The following ALG9 variants were observed in gnomAD, a reference collection of about 807,000 sequenced individuals.
ALG9 encodes alpha-1,2-mannosyltransferase ALG9.
Under a neutral mutation model 81.8 loss-of-function variants are expected in ALG9, and 55 were observed. The observed-to-expected ratio is 0.67, with a 90% CI of 0.54 to 0.84. The LOEUF (loss-of-function observed/expected upper bound fraction) is 0.84, where lower values mean the gene tolerates loss of function less well. Among genes scored for constraint, ALG9 ranks in the 40% least tolerant of loss-of-function variants. The pLI, the probability that ALG9 is intolerant of heterozygous loss-of-function variation, is 0.00. For synonymous variants in ALG9, 278 were observed against 274.3 expected, an observed-to-expected ratio of 1.01 and a Z score of -0.13; for missense variants, 629 against 745.0, an observed-to-expected ratio of 0.84 and a Z score of 1.81.
At chr11:111,797,207 C>A (rs749091275) in intron 14 of ALG9, among the ~76,000 whole-genome samples, 1 of 152,308 alleles carries the variant, frequency 6.6e-6, no homozygotes, top group South Asian at 2.1e-4. Context: ...TGGCTTGCTG[C>A]CAACAAACAG....
intron 1 of ALG9, 103 bp downstream of exon 1, chr11:111,871,249 G>T (rs527476474): frequency 1.5e-6 from 2 of 1,326,888 alleles, no homozygotes; most frequent in East Asian, 3.2e-5. Flanking sequence ...CCGCGGTGAG[G>T]CCAGGCCGGA....
chr11:111,768,771 C>G, the ALG9 span: 1 of 149,570 alleles, frequency 6.7e-6, no homozygotes, highest in African/African-American at 2.5e-5. Flanking sequence ...AAGCAATCCT[C>G]CAGCCTCAGC....
intron 13 of ALG9, among the ~76,000 whole-genome samples, chr11:111,824,112 C>T (rs1323873243): frequency 1.3e-5 from 2 of 152,190 alleles, no homozygotes; most frequent in Non-Finnish European, 2.9e-5. Context: ...TGGGAGATCG[C>T]TTGATTTCTT....
At chr11:111,836,052 A>G (rs1955196543) in intron 13 of ALG9, 113 bp downstream of exon 13, 19 of 1,485,018 alleles carry the variant, frequency 1.3e-5, no homozygotes, top group Non-Finnish European at 1.7e-5. Context: ...CCCGGCCTTA[A>G]AAAAATTGCT....
chr11:111,815,667 G>GT (rs139189103), intron 13 of ALG9, among the ~76,000 whole-genome samples: 1,860 of 152,296 alleles, frequency 0.012, 40 homozygotes, highest in African/African-American at 0.042. Context: ...CAGACTGGCT[G>GT]AGTGACTCAC....
intron 13 of ALG9, among the ~76,000 whole-genome samples, chr11:111,810,741 G>A (rs1950581583): frequency 6.6e-6 from 1 of 152,206 alleles, no homozygotes; most frequent in African/African-American, 2.4e-5. Flanking sequence ...GGGCAAAAGA[G>A]AGACCTGCTT....
At chr11:111,770,577 T>C in the ALG9 span, among the ~76,000 whole-genome samples, 2 of 151,804 alleles carry the variant, frequency 1.3e-5, no homozygotes, top group African/African-American at 2.4e-5. Flanking sequence ...GGCACACCTG[T>C]AGGCCCAGCT....
chr11:111,856,075 G>A lies in ALG9; in HGVS notation c.701+1527C>T, dbSNP rs190243358. ...AGGTGGATCACGAGGTCAGGAGTTCGAGACCAGCCTGGCCAATATGGTAAA... is the reference window on the plus strand; with the variant it reads ...AGGTGGATCACGAGGTCAGGAGTTCAAGACCAGCCTGGCCAATATGGTAAA... On this transcript the variant is annotated intron_variant, in intron 6 of 14. Coordinates refer to ENST00000616540, the MANE Select transcript of ALG9 (RefSeq NM_024740.2). Among the ~76,000 whole-genome samples, 825 of 152,074 alleles carry A rather than the reference G, an allele frequency of 5.4e-3. 3 individuals carry two copies. Among genetic ancestry groups the A allele is most frequent in the African/African-American group, 0.019 (770 of 41,498 alleles).
chr11:111,786,643 G>A (rs1389238586), intron 14 of ALG9, 123 bp from the exon 15 acceptor site: 10 of 1,170,856 alleles, frequency 8.5e-6, no homozygotes, highest in Non-Finnish European at 1.1e-5. Flanking sequence ...AAGTGGCACA[G>A]AAAAGCCTAT....
At chr11:111,840,891 A>G (rs1956113491) in intron 9 of ALG9, 82 bp from the exon 10 acceptor site, 5 of 1,532,936 alleles carry the variant, frequency 3.3e-6, no homozygotes, top group Middle Eastern at 1.7e-4. Context: ...CTTGATCTCA[A>G]ATTTAGGAGT....
chr11:111,781,204 T>C (rs782625809), downstream of ALG9, among the ~76,000 whole-genome samples: 2 of 152,134 alleles, frequency 1.3e-5, no homozygotes, highest in Non-Finnish European at 1.5e-5. Flanking sequence ...TGGGGTCCTA[T>C]AGGAAGAATA....
chr11:111,853,936 C>A (rs1027259438), intron 6 of ALG9, among the ~76,000 whole-genome samples, 200 bp from the exon 7 acceptor site: 2 of 152,118 alleles, frequency 1.3e-5, no homozygotes, highest in Non-Finnish European at 2.9e-5. Flanking sequence ...AATAGAATTA[C>A]TGAGCTGCTG....
intron 10 of ALG9, among the ~76,000 whole-genome samples, chr11:111,839,601 A>AG (rs34197912): frequency 0.055 from 5,154 of 94,142 alleles, 181 homozygotes; most frequent in African/African-American, 0.13. Flanking sequence ...AAAAAAAAAA[A>AG]GGGGGGGGGG....
chr11:111,843,999 GTTCTC>G (rs1290783166), intron 9 of ALG9, among the ~76,000 whole-genome samples: 4 of 152,260 alleles, frequency 2.6e-5, no homozygotes, highest in African/African-American at 9.6e-5. Context: ...AAATAGGCTT[GTTCTC>G]TTCTGAGATT....
At chr11:111,849,995 A>G (rs1330585874) in intron 8 of ALG9, among the ~76,000 whole-genome samples, 2 of 152,204 alleles carry the variant, frequency 1.3e-5, no homozygotes, top group Non-Finnish European at 2.9e-5. Flanking sequence ...TAGCATTTCC[A>G]ATACAAAAGA....
At chr11:111,813,917 A>T (rs1296148613) in intron 13 of ALG9, among the ~76,000 whole-genome samples, 1 of 152,244 alleles carries the variant, frequency 6.6e-6, no homozygotes, top group Admixed American at 6.5e-5. Context: ...AAAATTGAAC[A>T]TATGTATTTC....
Position 111,860,551 on chromosome 11 carries a change from T to C in ALG9, c.561A>G (p.Ser187=). ...LVLSTGMFCS[S]SAFLPSSFCM... ...CTCATCTGCCCTTTTACTTACCTGATGATGAGCAAAACATGCCAGTGCTGA... is the reference window on the plus strand; with the variant it reads ...CTCATCTGCCCTTTTACTTACCTGACGATGAGCAAAACATGCCAGTGCTGA... Residue 187 remains serine (S), a synonymous_variant, in exon 5 of 15, where the codon TCA becomes TCG. Coordinates refer to ENST00000616540, the MANE Select transcript of ALG9 (RefSeq NM_024740.2). 2 of 1,614,026 alleles carry C rather than the reference T, an allele frequency of 1.2e-6. No homozygotes were observed. The highest frequency in any genetic ancestry group is 1.3e-5 in the African/African-American group (1 of 75,044).
At chr11:111,836,365 A>G in intron 12 of ALG9, 71 bp from the exon 13 acceptor site, 5 of 1,585,982 alleles carry the variant, frequency 3.2e-6, no homozygotes, top group Non-Finnish European at 4.3e-6. Flanking sequence ...GAAACAAACA[A>G]GCCAGGAAAA....
intron 10 of ALG9, 56 bp from the exon 11 acceptor site, chr11:111,838,455 AC>A: frequency 6.7e-7 from 1 of 1,497,124 alleles, no homozygotes; most frequent in South Asian, 1.2e-5. Context: ...CATCACAGTA[AC>A]ATCAAGAGCG....
Sources: gnomAD v4.1 joint callset for allele counts (sites outside exome capture counted in the v4.1 genomes callset) on GRCh38, gnomAD v4.1.1 for gene constraint, MANE v1.5 for transcripts, NCBI Gene and HGNC (gene_info 2026-07-23, HGNC 2026-07-21) for gene names.